ZCCHC14: variants seen among roughly 807,000 people sequenced by gnomAD.
The protein encoded by ZCCHC14 is zinc finger CCHC domain-containing protein 14.
Under a neutral mutation model 85.0 loss-of-function variants are expected in ZCCHC14, and 16 were observed. The observed-to-expected ratio is 0.19, with a 90% CI of 0.13 to 0.29. The LOEUF (loss-of-function observed/expected upper bound fraction) is 0.29. Ranked by LOEUF, ZCCHC14 falls within the 10% of genes least tolerant of loss-of-function variation. The probability of loss-of-function intolerance (pLI) is 1.00; values close to 1 mark genes in which losing one functional copy is unlikely to be tolerated. For missense variants in ZCCHC14, 1,303 were observed against 1,443.5 expected (o/e 0.90, Z 1.58); for synonymous variants, 775 against 630.7 (o/e 1.23, Z -3.43).
Position 87,412,273 on chromosome 16 carries a change from G to A in ZCCHC14, c.2448C>T (p.Ala816=). ...TTGCAGAAAAGGCAACTTTGGTGTT[G>A]GCTGTGTACAGAGCAGTCCGGGGGT... ...IINPRTALYT[A]NTKVAFSAMS... is the part of the protein sequence containing the mutation. The change falls in exon 12 of 13, where the codon GCC becomes GCT. Residue 816 remains alanine (A), a synonymous_variant. Coordinates refer to ENST00000671377, the MANE Select transcript of ZCCHC14 (RefSeq NM_015144.3). 6.2e-7 allele frequency: 1 copy of A among 1,613,948 alleles called. No homozygotes were observed. Among genetic ancestry groups the A allele is most frequent in the Non-Finnish European group, 8.5e-7 (1 of 1,180,032 alleles).
At chr16:87,448,559 A>G (rs892733055) in intron 2 of ZCCHC14, among the ~76,000 whole-genome samples, 1 of 151,854 alleles carries the variant, frequency 6.6e-6, no homozygotes, top group African/African-American at 2.4e-5. Context: ...TTGGCTGCCC[A>G]TTTGCGCCAC....
At chr16:87,446,264 A>C (rs1910433663) in intron 2 of ZCCHC14, among the ~76,000 whole-genome samples, 1 of 152,120 alleles carries the variant, frequency 6.6e-6, no homozygotes, top group Non-Finnish European at 1.5e-5. Context: ...TGGGTGGATC[A>C]CTTGAGGTCA....
chr16:87,416,634 T>C (rs936967373), intron 8 of ZCCHC14, among the ~76,000 whole-genome samples: 2 of 152,032 alleles, frequency 1.3e-5, no homozygotes, highest in Non-Finnish European at 2.9e-5. Context: ...TGGGCACCTG[T>C]AATCCCAGCT....
At position 87,411,748 on chromosome 16, in the gene ZCCHC14, G is replaced by C. The variant is rs763566387; in HGVS notation, c.2973C>G (p.Tyr991Ter). The change falls in exon 12 of 13, where the codon TAC becomes TAG. Residue 991 changes from tyrosine (Y) to a stop codon, truncating the protein, a stop_gained. Coordinates refer to ENST00000671377, the MANE Select transcript of ZCCHC14 (RefSeq NM_015144.3). LOFTEE classifies it high-confidence loss of function. ...CAGGGTCTGGGGTCCCGCTGCTGCT[G>C]TAAGGGGCGTGCACGACGGGGAAGG... The part of the protein sequence containing the change: ...GSTFPVVHAP[Y>*]SSSGTPDPVL... 1.9e-6 allele frequency: 3 copies of C among 1,612,652 alleles called. No homozygotes were observed.
At chr16:87,426,824 T>A (rs942471695) in intron 3 of ZCCHC14, among the ~76,000 whole-genome samples, 5 of 152,124 alleles carry the variant, frequency 3.3e-5, no homozygotes, top group African/African-American at 1.2e-4. Flanking sequence ...AAAATTTTCA[T>A]CAATATTCTT....
chr16:87,445,190 C>T (rs965095316), intron 2 of ZCCHC14, among the ~76,000 whole-genome samples: 3 of 151,968 alleles, frequency 2.0e-5, no homozygotes, highest in South Asian at 2.1e-4. Context: ...CCTCAGCCTC[C>T]GAAGCAGCTG....
intron 2 of ZCCHC14, among the ~76,000 whole-genome samples, chr16:87,447,314 T>C (rs1468340269): frequency 2.6e-5 from 4 of 152,040 alleles, no homozygotes; most frequent in African/African-American, 9.7e-5. Context: ...GTTTTTTTTT[T>C]AATTTGAGGC....
At chr16:87,433,104 G>T in intron 3 of ZCCHC14, 24 bp downstream of exon 3, 1 of 1,611,210 alleles carries the variant, frequency 6.2e-7, no homozygotes, top group South Asian at 1.1e-5. Context: ...CCAGGAGAGA[G>T]GGGAAAAAAA....
chr16:87,455,315 G>A (rs908454807), intron 2 of ZCCHC14, among the ~76,000 whole-genome samples: 9 of 150,250 alleles, frequency 6.0e-5, no homozygotes, highest in Non-Finnish European at 1.0e-4. Context: ...AAAAAATACT[G>A]GAAAGTGAAC....
chr16:87,483,533 C>A (rs1479269038), intron 1 of ZCCHC14, among the ~76,000 whole-genome samples: 1 of 151,904 alleles, frequency 6.6e-6, no homozygotes, highest in African/African-American at 2.4e-5. Context: ...AACAACTCAA[C>A]AGAGATGAGC....
chr16:87,452,254 C>T lies in ZCCHC14; in HGVS notation c.694+7754G>A, dbSNP rs1910742178. Among the ~76,000 whole-genome samples the T allele has an allele frequency of 2.6e-5, 4 of 152,214 alleles. No homozygotes were observed. In the South Asian group the frequency reaches 8.3e-4, roughly 32 times the overall value. On this transcript the variant is annotated intron_variant, in intron 2 of 12. Transcript: ENST00000671377. Reference sequence around the variant, plus strand: ...GGACTTACAGGTTTCGCTCTAAGCACTCGAATGCTGGGATCAATCACCAAT... The same window carrying T: ...GGACTTACAGGTTTCGCTCTAAGCATTCGAATGCTGGGATCAATCACCAAT...
At chr16:87,475,892 C>G (rs1055165304) in intron 1 of ZCCHC14, among the ~76,000 whole-genome samples, 4 of 152,102 alleles carry the variant, frequency 2.6e-5, no homozygotes, top group African/African-American at 9.7e-5. Context: ...ATTTACAGAT[C>G]TAGTAAGTTC....
At chr16:87,462,498 T>C (rs1911311366) in intron 1 of ZCCHC14, among the ~76,000 whole-genome samples, 1 of 152,162 alleles carries the variant, frequency 6.6e-6, no homozygotes, top group South Asian at 2.1e-4. Context: ...CCCAGCACTT[T>C]GGGAGGCCGA....
chr16:87,428,984 T>C (rs185639611), intron 3 of ZCCHC14, among the ~76,000 whole-genome samples: 2 of 152,370 alleles, frequency 1.3e-5, no homozygotes, highest in East Asian at 3.9e-4. Flanking sequence ...GTTGACAGTC[T>C]TGGAACGTTA....
In ZCCHC14 at chr16:87,412,168, G is replaced by A. The variant is rs1195011298; in HGVS notation, c.2553C>T (p.Ser851=). ...SNTASPSSHP[S]TSFANMATLP... is the part of the protein sequence containing the mutation. ...ACGTGGCCATGTTGGCAAAGGACGT[G>A]GAGGGGTGGCTGCTGGGAGAGGCAG... Residue 851 remains serine (S), a synonymous_variant, in exon 12 of 13, where the codon TCC becomes TCT. Coordinates refer to ENST00000671377, the MANE Select transcript of ZCCHC14 (RefSeq NM_015144.3). 1.9e-6 allele frequency: 3 copies of A among 1,613,938 alleles called. No individual in the cohort carries two copies. The African/African-American group carries it at 4.0e-5, about 22-fold the overall frequency.
Position 87,412,446 on chromosome 16 carries a change from C to A in ZCCHC14, c.2275G>T (p.Ala759Ser). 6.2e-7 allele frequency: 1 copy of A among 1,613,990 alleles called. No individual in the cohort carries two copies. Among genetic ancestry groups the A allele is most frequent in the South Asian group, 1.1e-5 (1 of 91,074 alleles). The change falls in exon 12 of 13, where the codon GCC becomes TCC. Residue 759 changes from alanine to serine, a missense_variant. Coordinates refer to ENST00000671377, the MANE Select transcript of ZCCHC14 (RefSeq NM_015144.3). ...PALVVETSTA[A>S]TGTPSTVLHA... ...AGGACTGTGCTGGGCGTCCCCGTGG[C>A]GGCCGTGCTGGTCTCCACGACCAGG...
At chr16:87,474,648 C>T (rs760009446) in intron 1 of ZCCHC14, among the ~76,000 whole-genome samples, 86 of 152,260 alleles carry the variant, frequency 5.6e-4, no homozygotes, top group Non-Finnish European at 9.6e-4. Context: ...TGGGGCAGAA[C>T]CTGGTCCTCC....
In ZCCHC14 at chr16:87,420,539, G is replaced by A. The variant is rs1909039504; in HGVS notation, c.950+68C>T. The A allele has an allele frequency of 4.5e-6, 6 of 1,331,612 alleles. No homozygotes were observed. The highest frequency in any genetic ancestry group is 6.3e-6 in the Non-Finnish European group (6 of 957,556). 82.5% of individuals were successfully genotyped at this position (1,331,612 alleles called of 1,614,324 possible). On this transcript the variant is annotated intron_variant, in intron 5 of 12. Coordinates refer to ENST00000671377, the MANE Select transcript of ZCCHC14 (RefSeq NM_015144.3). The surrounding 1 kb of genome is among the most constrained non-coding windows in gnomAD (Gnocchi z 5.0). ...TCCCAGAGCTCCTTGGAGGACCACA[G>A]CATTGACCACAGGACCAGCCTGTCC...
chr16:87,441,904 T>C (rs1459347835), intron 2 of ZCCHC14, among the ~76,000 whole-genome samples: 2 of 152,204 alleles, frequency 1.3e-5, no homozygotes. Context: ...CGCTCCTCTC[T>C]GATGTGGGGG....
Sources: allele counts gnomAD v4.1 joint callset (sites outside exome capture counted in the v4.1 genomes callset), GRCh38; gene constraint gnomAD v4.1.1; non-coding constraint Gnocchi (gnomAD v3.1); transcripts MANE v1.5; gene names NCBI Gene and HGNC (gene_info 2026-07-23, HGNC 2026-07-21).